Variants in GATB observed in about 807,000 individuals in gnomAD.
The protein encoded by GATB is glutamyl-tRNA(Gln) amidotransferase subunit B, mitochondrial.
A neutral mutation model predicts 62.3 loss-of-function variants in GATB; 39 were observed. That is an observed-to-expected ratio of 0.63 (90% CI 0.48 to 0.82). The LOEUF is 0.82. GATB is among the 40% of genes least tolerant of loss of function. The pLI, the probability that GATB is intolerant of heterozygous loss-of-function variation, is 0.00. For missense variants in GATB, 670 were observed against 684.0 expected, an observed-to-expected ratio of 0.98 and a Z score of 0.23; for synonymous variants, 276 against 258.9, an observed-to-expected ratio of 1.07 and a Z score of -0.63.
At chr4:151,694,022 G>A (rs1401838671) in intron 9 of GATB, among the ~76,000 whole-genome samples, 1 of 152,160 alleles carries the variant, frequency 6.6e-6, no homozygotes, top group Admixed American at 6.5e-5. Flanking sequence ...CAGGCAGTGT[G>A]TTGTCAAGAA....
chr4:151,708,318 G>T (rs1738754685), intron 5 of GATB, among the ~76,000 whole-genome samples: 1 of 152,208 alleles, frequency 6.6e-6, no homozygotes, highest in African/African-American at 2.4e-5. Flanking sequence ...TACAGTGTGT[G>T]CCTGTACATG....
chr4:151,705,034 G>A (rs1578912219), intron 7 of GATB, 151 bp downstream of exon 7: 1 of 588,686 alleles, frequency 1.7e-6, no homozygotes, highest in East Asian at 2.9e-5. Flanking sequence ...GGCATGAAGG[G>A]TACAGTACTT....
At position 151,738,350 on chromosome 4, in the gene GATB, G is replaced by A. The variant is rs561211491; in HGVS notation, c.328-18812C>T. On this transcript the variant is annotated intron_variant, in intron 2 of 12. Transcript: ENST00000263985. Reference sequence around the variant, plus strand: ...GGCAGGTCTTTCCTGTGCCATTCTCGCGATAGTGAGTAAGTCTCACGAGAT... The same window carrying A: ...GGCAGGTCTTTCCTGTGCCATTCTCACGATAGTGAGTAAGTCTCACGAGAT... 4.6e-5 allele frequency among the ~76,000 whole-genome samples: 7 copies of A among 152,204 alleles called. No individual in the cohort carries two copies. In the South Asian group the frequency reaches 8.3e-4, roughly 18 times the overall value.
In GATB at chr4:151,719,501, G is replaced by C. The variant is rs775609831; in HGVS notation, c.365C>G (p.Thr122Arg). The C allele has an allele frequency of 6.2e-7, 1 of 1,610,230 alleles. No individual in the cohort carries two copies. Among genetic ancestry groups the C allele is most frequent in the South Asian group, 1.1e-5 (1 of 90,130 alleles). Reference protein sequence around the residue: ...NRRCVEAAVMTGLALNCHINK... With the variant: ...NRRCVEAAVMRGLALNCHINK... ...TATGTGGCAGTTCAGAGCCAGGCCT[G>C]TCATCACCGCCGCTTCTACACACCT... is the stretch of plus-strand genomic sequence containing the variant. The change falls in exon 3 of 13, where the codon ACA becomes AGA. Residue 122 changes from threonine (T) to arginine (R), a missense_variant. By Grantham distance (71) the Thr-to-Arg change is moderately conservative. Transcript: ENST00000263985.
chr4:151,705,037 CA>C (rs1235346060), intron 7 of GATB, 147 bp downstream of exon 7: 1 of 590,880 alleles, frequency 1.7e-6, no homozygotes, highest in East Asian at 2.9e-5. Flanking sequence ...ATGAAGGGTA[CA>C]GTACTTTTCT....
intron 2 of GATB, chr4:151,719,857 T>C (rs75948767): frequency 2.6e-4 from 60 of 233,138 alleles, no homozygotes; most frequent in African/African-American, 1.2e-3. Flanking sequence ...GGTTACTACA[T>C]AGAATAAATC....
intron 2 of GATB, among the ~76,000 whole-genome samples, chr4:151,725,103 G>A (rs1223955315): frequency 6.6e-6 from 1 of 152,248 alleles, no homozygotes; most frequent in Non-Finnish European, 1.5e-5. Context: ...TCCTATCACA[G>A]GGTATTGGGG....
intron 2 of GATB, among the ~76,000 whole-genome samples, chr4:151,726,285 A>T (rs1263280827): frequency 1.3e-5 from 2 of 152,222 alleles, no homozygotes; most frequent in African/African-American, 2.4e-5. Flanking sequence ...ATAAATTTTC[A>T]TTACAGTTGA....
At chr4:151,714,260 GGT>G (rs1738872615) in intron 5 of GATB, among the ~76,000 whole-genome samples, 1 of 152,152 alleles carries the variant, frequency 6.6e-6, no homozygotes, top group Admixed American at 6.5e-5. Context: ...CAGCACCCTG[GGT>G]GTCCACTAGT....
At chr4:151,750,239 T>C (rs1384020778) in intron 2 of GATB, among the ~76,000 whole-genome samples, 1 of 152,210 alleles carries the variant, frequency 6.6e-6, no homozygotes, top group East Asian at 1.9e-4. Context: ...TAACTGATCA[T>C]GAAAAGCAGC....
chr4:151,684,140 C>T (rs547018320), intron 10 of GATB, among the ~76,000 whole-genome samples: 90 of 152,202 alleles, frequency 5.9e-4, no homozygotes, highest in Non-Finnish European at 1.1e-3. Flanking sequence ...TTCCTCTCAC[C>T]TCCAGTCCCT....
Position 151,732,016 on chromosome 4 carries a change from A to C in GATB, c.328-12478T>G, listed in dbSNP as rs1739271622. Among the ~76,000 whole-genome samples the C allele has an allele frequency of 2.3e-5, 3 of 128,130 alleles. 1 individual carries two copies. Among genetic ancestry groups the C allele is most frequent in the East Asian group, 2.5e-4 (1 of 4,068 alleles). The allele number at this position is 128,130 out of a possible 152,430, so 84.1% of individuals were successfully genotyped here. On this transcript the variant is annotated intron_variant, in intron 2 of 12. Transcript: ENST00000263985. The stretch of plus-strand genomic sequence containing the variant: ...CCGTCCGGGAGGGAGGTGGGGGGTC[A>C]GCCCCCGCCCGGCCAGCCGCCCCGT...
intron 5 of GATB, 137 bp downstream of exon 5, chr4:151,715,872 C>A (rs1738902203): frequency 1.0e-6 from 1 of 996,684 alleles, no homozygotes; most frequent in South Asian, 2.2e-5. Flanking sequence ...AACAAAAAAA[C>A]AGGGTTGCAA....
Position 151,733,262 on chromosome 4 carries a change from C to T in GATB, c.328-13724G>A, listed in dbSNP as rs540151612. On this transcript the variant is annotated intron_variant, in intron 2 of 12. Transcript: ENST00000263985. ...AAAGAAGAGAGAAAATCCAAATAAA[C>T]TCACTGAGAAACGAAACAGGAGATA... Among the ~76,000 whole-genome samples, 288 of 152,202 alleles carry T rather than the reference C, an allele frequency of 1.9e-3. 1 individual carries two copies. Among genetic ancestry groups the T allele is most frequent in the Middle Eastern group, 0.017 (5 of 294 alleles).
intron 2 of GATB, among the ~76,000 whole-genome samples, chr4:151,757,893 G>A (rs1201047088): frequency 6.6e-6 from 1 of 152,154 alleles, no homozygotes; most frequent in Non-Finnish European, 1.5e-5. Context: ...AAAGATGGCA[G>A]GAAACCCCAA....
rs142142060 is a variant in GATB at position 151,697,553 on chromosome 4, C to T, written c.1197+3776G>A. 1.6e-3 allele frequency among the ~76,000 whole-genome samples: 250 copies of T among 151,854 alleles called. 1 individual carries two copies. The highest frequency in any genetic ancestry group is 2.5e-3 in the Non-Finnish European group (171 of 67,944). On this transcript the variant is annotated intron_variant, in intron 9 of 12. Coordinates refer to ENST00000263985, the MANE Select transcript of GATB (RefSeq NM_004564.3). Reference sequence around the variant, plus strand: ...TTGGGTGACGGTTACACTGTAAGTCCAGACTTACACTATGCAATATATCTA... The same window carrying T: ...TTGGGTGACGGTTACACTGTAAGTCTAGACTTACACTATGCAATATATCTA...
chr4:151,679,861 A>G lies in GATB; in HGVS notation c.1362T>C (p.Leu454=). 6.2e-7 allele frequency: 1 copy of G among 1,614,166 alleles called. No homozygotes were observed. Among genetic ancestry groups the G allele is most frequent in the Non-Finnish European group, 8.5e-7 (1 of 1,180,024 alleles). The change falls in exon 11 of 13, where the codon CTT becomes CTC. Residue 454 remains leucine, a synonymous_variant. Coordinates refer to ENST00000263985, the MANE Select transcript of GATB (RefSeq NM_004564.3). ...SPVTPSALAE[L]LDLLDSRTIS... Reference sequence around the variant, plus strand: ...TTGTTCTGCTGTCCAGCAGGTCAAGAAGCTCAGCGAGTGCAGAGGGTGTGA... The same window carrying G: ...TTGTTCTGCTGTCCAGCAGGTCAAGGAGCTCAGCGAGTGCAGAGGGTGTGA...
intron 2 of GATB, among the ~76,000 whole-genome samples, chr4:151,750,248 G>C (rs1052049810): frequency 6.6e-6 from 1 of 152,166 alleles, no homozygotes; most frequent in African/African-American, 2.4e-5. Context: ...ATGAAAAGCA[G>C]CAGTTCCCCG....
intron 2 of GATB, among the ~76,000 whole-genome samples, chr4:151,748,415 G>A (rs1480433456): frequency 6.6e-6 from 1 of 152,198 alleles, no homozygotes; most frequent in Non-Finnish European, 1.5e-5. Flanking sequence ...ATCGGGAAAG[G>A]ATTCCCTATT....
Sources: gnomAD v4.1 joint callset for allele counts (sites outside exome capture counted in the v4.1 genomes callset) on GRCh38, gnomAD v4.1.1 for gene constraint, MANE v1.5 for transcripts, NCBI Gene and HGNC (gene_info 2026-07-23, HGNC 2026-07-21) for gene names.